Variants in RASSF2 observed in about 807,000 individuals in gnomAD.
RASSF2 encodes the protein Ras association domain family member 2, also known as ras association domain-containing protein 2.
Under a neutral mutation model 46.3 loss-of-function variants are expected in RASSF2, and 34 were observed. That is an observed-to-expected ratio of 0.73 (90% CI 0.56 to 0.98). The LOEUF (loss-of-function observed/expected upper bound fraction) is 0.98, where lower values mean the gene tolerates loss of function less well. Ranked by LOEUF, RASSF2 falls within the 50% of genes least tolerant of loss-of-function variation. RASSF2 has a pLI of 0.00. For synonymous variants in RASSF2, 158 were observed against 162.5 expected, an observed-to-expected ratio of 0.97 and a Z score of 0.21; for missense variants, 364 against 431.2, an observed-to-expected ratio of 0.84 and a Z score of 1.38.
chr20:4,782,476 G>T lies in RASSF2; in HGVS notation c.*1797C>A. The T allele has an allele frequency of 6.5e-6, 1 of 152,792 alleles. No individual in the cohort carries two copies. The highest frequency in any genetic ancestry group is 1.5e-5 in the Non-Finnish European group (1 of 68,050). The allele number at this position is 152,792 out of a possible 1,614,324, so 9.5% of individuals were successfully genotyped here. ...TTCTTACCCCAGTTCTGTGCAGCTT[G>T]CAGAAGCCCTTCTGGGCTTCCACTC... On this transcript the variant is annotated 3_prime_UTR_variant, in exon 12 of 12. Coordinates refer to ENST00000379400, the MANE Select transcript of RASSF2 (RefSeq NM_014737.3).
chr20:4,809,685 A>C (rs1199694327), intron 2 of RASSF2, among the ~76,000 whole-genome samples: 1 of 152,216 alleles, frequency 6.6e-6, no homozygotes, highest in Non-Finnish European at 1.5e-5. Context: ...GATTCCTAGA[A>C]GCAGAGCCTG....
chr20:4,788,155 T>C, intron 9 of RASSF2, 62 bp downstream of exon 9: 1 of 1,425,126 alleles, frequency 7.0e-7, no homozygotes, highest in Non-Finnish European at 9.8e-7. Context: ...AGAGGTATTT[T>C]TTTAACTTGC....
In RASSF2 at chr20:4,784,043, T is replaced by G. The variant is rs1295071450; in HGVS notation, c.*230A>C. 1.2e-5 allele frequency: 7 copies of G among 568,956 alleles called. No individual in the cohort carries two copies. The highest frequency in any genetic ancestry group is 1.9e-5 in the African/African-American group (1 of 53,112). 35.2% of individuals were successfully genotyped at this position (568,956 alleles called of 1,614,324 possible). A position where few individuals can be genotyped will look rare whatever the true frequency, so the allele number is the denominator to read the frequency against. On this transcript the variant is annotated 3_prime_UTR_variant, in exon 12 of 12. Coordinates refer to ENST00000379400, the MANE Select transcript of RASSF2 (RefSeq NM_014737.3). ...ACACACACACATTTTGGGTCCTCCT[T>G]ATAACTAAAATCAAAAGTCCTTGTG...
At chr20:4,788,021 G>T (rs927137566) in intron 9 of RASSF2, among the ~76,000 whole-genome samples, 196 bp downstream of exon 9, 2 of 152,084 alleles carry the variant, frequency 1.3e-5, no homozygotes, top group African/African-American at 4.8e-5. Flanking sequence ...TAGGCAGTTA[G>T]GTTTAGAATT....
chr20:4,823,093 G>C lies in RASSF2; in HGVS notation c.-108+464C>G, dbSNP rs142840758. On this transcript the variant is annotated intron_variant, in intron 1 of 11. Transcript: ENST00000379400. ...CGCGCCTACACGGCCCCTGGCGGGG[G>C]TCCGCGCGCCCCGGGAGCCCCGCGG... 2.6e-5 allele frequency among the ~76,000 whole-genome samples: 4 copies of C among 152,176 alleles called. 1 individual carries two copies. The highest frequency in any genetic ancestry group is 2.0e-4 in the Admixed American group (3 of 15,284).
chr20:4,815,697 A>G (rs1928249341), intron 2 of RASSF2, among the ~76,000 whole-genome samples: 1 of 152,232 alleles, frequency 6.6e-6, no homozygotes, highest in African/African-American at 2.4e-5. Flanking sequence ...CCACATTTCC[A>G]AACTCATCAC....
intron 4 of RASSF2, among the ~76,000 whole-genome samples, chr20:4,797,284 C>T (rs1156889818): frequency 1.3e-5 from 2 of 152,102 alleles, no homozygotes; most frequent in African/African-American, 2.4e-5. Context: ...AGCAACCTGC[C>T]CTAGCAGCTG....
chr20:4,786,771 G>C (rs1248403714), intron 10 of RASSF2, among the ~76,000 whole-genome samples: 1 of 152,148 alleles, frequency 6.6e-6, no homozygotes, highest in Non-Finnish European at 1.5e-5. Context: ...GGCTGTGGGT[G>C]GCTATGGGGT....
chr20:4,781,481 A>C lies in RASSF2; in HGVS notation c.*2792T>G, dbSNP rs1476415648. The C allele has an allele frequency of 6.6e-6, 1 of 152,196 alleles. No individual in the cohort carries two copies. The highest frequency in any genetic ancestry group is 1.5e-5 in the Non-Finnish European group (1 of 68,034). The allele number at this position is 152,196 out of a possible 1,614,324, so 9.4% of individuals were successfully genotyped here. ...AGTTGAAGTCCATCCAGCCTTGTGC[A>C]CGTTCTTCACCAATACGTACAGGGA... On this transcript the variant is annotated 3_prime_UTR_variant, in exon 12 of 12. Transcript: ENST00000379400.
At chr20:4,814,925 C>T (rs1928171630) in intron 2 of RASSF2, among the ~76,000 whole-genome samples, 1 of 152,242 alleles carries the variant, frequency 6.6e-6, no homozygotes. Flanking sequence ...CAGAACTGCT[C>T]CTCCACGTGG....
intron 2 of RASSF2, among the ~76,000 whole-genome samples, chr20:4,809,216 A>G (rs935922216): frequency 6.6e-6 from 1 of 152,174 alleles, no homozygotes; most frequent in Non-Finnish European, 1.5e-5. Flanking sequence ...TGCCTGAAAG[A>G]CAGCTTGGGG....
intron 1 of RASSF2, 36 bp from the exon 2 acceptor site, chr20:4,822,439 T>G (rs946632703): frequency 1.3e-5 from 2 of 152,236 alleles, no homozygotes; most frequent in African/African-American, 4.8e-5. Flanking sequence ...TTGAGAGGCC[T>G]CGCGCTTGGC....
intron 2 of RASSF2, among the ~76,000 whole-genome samples, chr20:4,803,622 T>C (rs1267339092): frequency 6.7e-6 from 1 of 149,310 alleles, no homozygotes; most frequent in Non-Finnish European, 1.5e-5. Flanking sequence ...CTGGATGTGG[T>C]GGCACGCACA....
rs911492603 is a variant in RASSF2, at chr20:4,783,990, G to A, written c.*283C>T. The A allele has an allele frequency of 4.9e-6, 2 of 411,008 alleles. No individual in the cohort carries two copies. The highest frequency in any genetic ancestry group is 7.2e-5 in the Admixed American group (2 of 27,870). The allele number at this position is 411,008 out of a possible 1,614,324, so 25.5% of individuals were successfully genotyped here. A position where few individuals can be genotyped will look rare whatever the true frequency, so the allele number is the denominator to read the frequency against. ...TGTGAAAGTATCAGGTAGGCACATGGACACGTACCATGTGTGCACACACAT... is the reference window on the plus strand; with the variant it reads ...TGTGAAAGTATCAGGTAGGCACATGAACACGTACCATGTGTGCACACACAT... On this transcript the variant is annotated 3_prime_UTR_variant, in exon 12 of 12. Transcript: ENST00000379400.
chr20:4,806,107 T>C (rs1160128169), intron 2 of RASSF2, among the ~76,000 whole-genome samples: 2 of 152,080 alleles, frequency 1.3e-5, no homozygotes, highest in Admixed American at 6.5e-5. Context: ...TTGGTCAGCA[T>C]GGGCAGAGGA....
chr20:4,789,531 C>A (rs1317345759), intron 8 of RASSF2, 65 bp downstream of exon 8: 2 of 1,387,810 alleles, frequency 1.4e-6, no homozygotes, highest in African/African-American at 1.4e-5. Context: ...CCTCGCACAA[C>A]CACTCTAGGA....
chr20:4,803,794 C>T (rs1332736251), intron 2 of RASSF2, among the ~76,000 whole-genome samples: 1 of 150,558 alleles, frequency 6.6e-6, no homozygotes, highest in Non-Finnish European at 1.5e-5. Flanking sequence ...CGCAGTGGCT[C>T]ACACCTGTAA....
At chr20:4,793,571 C>T (rs1436890920) in intron 5 of RASSF2, among the ~76,000 whole-genome samples, 5 of 152,160 alleles carry the variant, frequency 3.3e-5, no homozygotes, top group Admixed American at 6.5e-5. Context: ...CCCAGAGCAG[C>T]GACTCCCACT....
At position 4,798,599 on chromosome 20, in the gene RASSF2, C is replaced by T. The variant is rs1054947247; in HGVS notation, c.60-514G>A. The stretch of plus-strand genomic sequence containing the variant: ...CAGTACTTTGGGAGGCCAAGACCAG[C>T]GGATCACTTAAGGTCAGGAGTTTGA... On this transcript the variant is annotated intron_variant, in intron 3 of 11. Coordinates refer to ENST00000379400, the MANE Select transcript of RASSF2 (RefSeq NM_014737.3). 5.3e-5 allele frequency among the ~76,000 whole-genome samples: 8 copies of T among 152,080 alleles called. No homozygotes were observed. In the East Asian group the frequency reaches 9.7e-4, roughly 18 times the overall value.
Sources: allele counts gnomAD v4.1 joint callset (sites outside exome capture counted in the v4.1 genomes callset), GRCh38; gene constraint gnomAD v4.1.1; transcripts MANE v1.5; gene names NCBI Gene and HGNC (gene_info 2026-07-23, HGNC 2026-07-21).